Variants in FSHR observed in about 807,000 individuals in gnomAD.
FSHR encodes follicle stimulating hormone receptor, also known as follicle-stimulating hormone receptor.
A neutral mutation model predicts 52.1 loss-of-function variants in FSHR; 46 were observed. That is an observed-to-expected ratio of 0.88 (90% CI 0.70 to 1.13). FSHR has a LOEUF of 1.13. Ranked by LOEUF, FSHR falls within the 50% of genes most tolerant of loss-of-function variation. FSHR has a pLI of 0.00. For missense variants in FSHR, 964 were observed against 834.6 expected, an observed-to-expected ratio of 1.16 and a Z score of -1.91; for synonymous variants, 399 against 309.6, an observed-to-expected ratio of 1.29 and a Z score of -3.03.
chr2:48,980,743 G>C (rs75011312), intron 8 of FSHR, among the ~76,000 whole-genome samples: 8,519 of 152,258 alleles, frequency 0.056, 336 homozygotes, highest in Non-Finnish European at 0.084. Flanking sequence ...AGAAGACCTA[G>C]TTTCTGGTCC....
chr2:48,974,546 C>T (rs1409454715), intron 8 of FSHR, among the ~76,000 whole-genome samples: 2 of 152,184 alleles, frequency 1.3e-5, no homozygotes, highest in Admixed American at 1.3e-4. Flanking sequence ...GAGGCAAAGT[C>T]ACTTAAAGTT....
intron 4 of FSHR, among the ~76,000 whole-genome samples, chr2:49,016,903 G>A (rs894279556): frequency 2.6e-5 from 4 of 152,126 alleles, no homozygotes; most frequent in South Asian, 4.1e-4. Context: ...TTATTTTGTG[G>A]GGTCCCATTA....
chr2:49,014,838 GTC>G, intron 4 of FSHR: 1 of 455,468 alleles, frequency 2.2e-6, no homozygotes, highest in South Asian at 1.6e-5. Context: ...GAATGAAAGT[GTC>G]TCTGGGGATG....
chr2:49,038,297 G>A (rs986621913), intron 2 of FSHR, among the ~76,000 whole-genome samples: 1 of 152,108 alleles, frequency 6.6e-6, no homozygotes, highest in Non-Finnish European at 1.5e-5. Flanking sequence ...GCAAGTAATA[G>A]TAATATTAAA....
chr2:49,149,059 A>T (rs979861714), intron 1 of FSHR, among the ~76,000 whole-genome samples: 11 of 151,932 alleles, frequency 7.2e-5, no homozygotes, highest in African/African-American at 1.2e-4. Flanking sequence ...GATAATGGTA[A>T]TTTTTTTAAA....
intron 5 of FSHR, among the ~76,000 whole-genome samples, chr2:48,989,654 TCTTGTC>T (rs1675683766): frequency 1.3e-5 from 2 of 152,218 alleles, no homozygotes; most frequent in African/African-American, 4.8e-5. Flanking sequence ...ACCTTTCACC[TCTTGTC>T]TAACTTCTCT....
At chr2:49,113,841 C>T (rs1378402207) in intron 1 of FSHR, among the ~76,000 whole-genome samples, 2 of 152,070 alleles carry the variant, frequency 1.3e-5, no homozygotes, top group Non-Finnish European at 2.9e-5. Context: ...GTAAACTCTC[C>T]CCCTCTATTG....
At chr2:48,963,996 A>G (rs1477200541) in intron 9 of FSHR, 30 bp from the exon 10 acceptor site, 2 of 1,598,600 alleles carry the variant, frequency 1.3e-6, no homozygotes, top group Admixed American at 1.7e-5. Context: ...AATAGAATCA[A>G]CATCTCAGAT....
At chr2:49,087,900 T>C (rs1670460753) in intron 1 of FSHR, among the ~76,000 whole-genome samples, 1 of 152,230 alleles carries the variant, frequency 6.6e-6, no homozygotes, top group South Asian at 2.1e-4. Flanking sequence ...GAGAGATATG[T>C]GTAGTCTAAT....
chr2:48,989,490 C>T (rs1329638800), intron 5 of FSHR, among the ~76,000 whole-genome samples: 1 of 152,088 alleles, frequency 6.6e-6, no homozygotes, highest in East Asian at 1.9e-4. Context: ...ACCATGTTGC[C>T]CAGGCTGGTG....
chr2:48,981,296 A>G (rs1675237510), intron 8 of FSHR, among the ~76,000 whole-genome samples: 1 of 152,224 alleles, frequency 6.6e-6, no homozygotes, highest in South Asian at 2.1e-4. Context: ...CCCAATGAGA[A>G]TATAAGCTTT....
At chr2:49,066,772 A>G (rs2104338150) in intron 2 of FSHR, among the ~76,000 whole-genome samples, 1 of 152,212 alleles carries the variant, frequency 6.6e-6, no homozygotes, top group Middle Eastern at 3.4e-3. Flanking sequence ...TGCTGGATTA[A>G]ACTTGATTAA....
chr2:49,059,744 C>A (rs919236238), intron 2 of FSHR: 10 of 152,014 alleles, frequency 6.6e-5, no homozygotes, highest in African/African-American at 2.4e-4. Context: ...AATATACGTC[C>A]AAAAATGATA....
chr2:49,050,628 T>C lies in FSHR; in HGVS notation c.224+17591A>G, dbSNP rs1668822728. ...GCTTCACCACATAAGGATACTCTGA[T>C]GTTGCTTGGTTTCTTACCTTTTGTG... On this transcript the variant is annotated intron_variant, in intron 2 of 9. Coordinates refer to ENST00000406846, the MANE Select transcript of FSHR (RefSeq NM_000145.4). Among the ~76,000 whole-genome samples the C allele has an allele frequency of 2.0e-5, 3 of 152,302 alleles. No homozygotes were observed. In the South Asian group the frequency reaches 6.2e-4, roughly 32 times the overall value.
At chr2:49,118,604 G>GT (rs1671689182) in intron 1 of FSHR, among the ~76,000 whole-genome samples, 1 of 152,194 alleles carries the variant, frequency 6.6e-6, no homozygotes, top group African/African-American at 2.4e-5. Context: ...GCTAGAGGCT[G>GT]ATAAGACCCT....
intron 1 of FSHR, among the ~76,000 whole-genome samples, chr2:49,093,913 T>C (rs948246228): frequency 7.0e-6 from 1 of 143,364 alleles, no homozygotes; most frequent in Non-Finnish European, 1.5e-5. Flanking sequence ...TTCTAAAACA[T>C]TATATTTAAA....
At chr2:48,991,141 T>C (rs1041888406) in intron 4 of FSHR, among the ~76,000 whole-genome samples, 3 of 152,162 alleles carry the variant, frequency 2.0e-5, no homozygotes, top group Non-Finnish European at 2.9e-5. Context: ...TTAGAGCTTC[T>C]GCTGTCATTA....
At chr2:49,022,541 A>G (rs1294349027) in intron 2 of FSHR, among the ~76,000 whole-genome samples, 1 of 152,174 alleles carries the variant, frequency 6.6e-6, no homozygotes, top group Non-Finnish European at 1.5e-5. Flanking sequence ...ACCGTTTATC[A>G]GCCACTTTAC....
At position 48,983,084 on chromosome 2, in the gene FSHR, TC is replaced by T; in HGVS notation, c.593+13del. The T allele has an allele frequency of 6.2e-7, 1 of 1,613,694 alleles. No individual in the cohort carries two copies. The highest frequency in any genetic ancestry group is 8.5e-7 in the Non-Finnish European group (1 of 1,179,568). ...CCCTTTAAATGGCCTTGAAGAATAG[TC>T]AGGGCTACTTACAGCTCATCTAGTT... On this transcript the variant is annotated intron_variant, in intron 7 of 9. Transcript: ENST00000406846.
Sources: gnomAD v4.1 joint callset for allele counts (sites outside exome capture counted in the v4.1 genomes callset) on GRCh38, gnomAD v4.1.1 for gene constraint, MANE v1.5 for transcripts, NCBI Gene and HGNC (gene_info 2026-07-23, HGNC 2026-07-21) for gene names.